The following MAF variants were observed in gnomAD, a reference collection of about 807,000 sequenced individuals.
MAF encodes transcription factor Maf.
A neutral mutation model predicts 22.0 loss-of-function variants in MAF; 10 were observed. The observed-to-expected ratio is 0.45, with a 90% CI of 0.28 to 0.77. The LOEUF is 0.77. MAF is among the 30% of genes least tolerant of loss of function. The pLI is 0.12. For missense variants in MAF, 544 were observed against 548.4 expected, an observed-to-expected ratio of 0.99 and a Z score of 0.08; for synonymous variants, 337 against 255.8, an observed-to-expected ratio of 1.32 and a Z score of -3.03.
chr16:79,334,417 G>A, the MAF span, among the ~76,000 whole-genome samples: 48 of 152,278 alleles, frequency 3.2e-4, no homozygotes, highest in East Asian at 7.0e-3. Context: ...CAGAACAGCG[G>A]TCACCTCTAG....
At chr16:79,524,471 G>A in the MAF span, among the ~76,000 whole-genome samples, 1 of 152,218 alleles carries the variant, frequency 6.6e-6, no homozygotes, top group South Asian at 2.1e-4. Context: ...AGCTCGGCAT[G>A]AGATCCCAAA....
chr16:79,346,557 ATTAG>A, the MAF span, among the ~76,000 whole-genome samples: 1 of 152,228 alleles, frequency 6.6e-6, no homozygotes, highest in African/African-American at 2.4e-5. Flanking sequence ...CCTCCAAGGC[ATTAG>A]TCTTCAACCT....
At chr16:79,211,395 T>C in the MAF span, among the ~76,000 whole-genome samples, 2 of 152,182 alleles carry the variant, frequency 1.3e-5, no homozygotes, top group Non-Finnish European at 2.9e-5. Context: ...ACACCAGCTT[T>C]ACAAGCGGAG....
chr16:79,592,871 T>C (rs1232021581), downstream of MAF, among the ~76,000 whole-genome samples: 1 of 152,178 alleles, frequency 6.6e-6, no homozygotes, highest in African/African-American at 2.4e-5. Flanking sequence ...CAGTGAATCG[T>C]AGTGGGGAAC....
the MAF span, among the ~76,000 whole-genome samples, chr16:79,462,835 A>G: frequency 6.6e-6 from 1 of 152,270 alleles, no homozygotes; most frequent in African/African-American, 2.4e-5. Context: ...GGACAAGTCA[A>G]TAATTTGCCT....
the MAF span, among the ~76,000 whole-genome samples, chr16:79,276,280 C>G: frequency 6.6e-6 from 1 of 152,168 alleles, no homozygotes; most frequent in African/African-American, 2.4e-5. Context: ...GGCCCCTGAC[C>G]CTTTAGACTG....
At chr16:79,361,491 T>C in the MAF span, among the ~76,000 whole-genome samples, 3 of 152,180 alleles carry the variant, frequency 2.0e-5, no homozygotes, top group Non-Finnish European at 4.4e-5. Context: ...ACCTCTAACA[T>C]TTAGCACTTT....
At position 79,585,902 on chromosome 16, in the gene MAF, A is replaced by AT. The variant is rs374705589; in HGVS notation, c.*5dup. 12 of 683,780 alleles carry AT rather than the reference A, an allele frequency of 1.8e-5. No homozygotes were observed. The African/African-American group carries it at 1.8e-4, about 10-fold the overall frequency. 42.4% of individuals were successfully genotyped at this position (683,780 alleles called of 1,614,324 possible). A position where few individuals can be genotyped will look rare whatever the true frequency, so the allele number is the denominator to read the frequency against. Reference sequence around the variant, plus strand: ...TACCTCTTTGACTTCAGGCAACTGGATTTTTTCACATCACTGATGTAGAGG... The same window carrying AT: ...TACCTCTTTGACTTCAGGCAACTGGATTTTTTTCACATCACTGATGTAGAGG... On this transcript the variant is annotated 3_prime_UTR_variant, in exon 2 of 2. Coordinates refer to the MAF transcript ENST00000569649.
the MAF span, among the ~76,000 whole-genome samples, chr16:79,580,742 C>T: frequency 1.3e-5 from 2 of 151,838 alleles, no homozygotes; most frequent in Admixed American, 6.6e-5. Context: ...CTTGGTAAAG[C>T]TCATGTAGCC....
the MAF span, chr16:79,203,013 G>T: frequency 3.2e-4 from 48 of 152,198 alleles, no homozygotes; most frequent in African/African-American, 1.2e-3. Context: ...TAGTCTATTG[G>T]CATCAAGTGC....
chr16:79,239,200 G>A, the MAF span, among the ~76,000 whole-genome samples: 1 of 152,016 alleles, frequency 6.6e-6, no homozygotes, highest in African/African-American at 2.4e-5. Context: ...TCTCTCTGTT[G>A]CTTCCCAAAT....
the MAF span, among the ~76,000 whole-genome samples, chr16:79,534,883 G>A: frequency 6.6e-6 from 1 of 152,172 alleles, no homozygotes; most frequent in African/African-American, 2.4e-5. Context: ...TTCCTCTCTG[G>A]ACAGTGTGGG....
chr16:79,491,655 A>T, the MAF span, among the ~76,000 whole-genome samples: 1 of 152,172 alleles, frequency 6.6e-6, no homozygotes, highest in African/African-American at 2.4e-5. Flanking sequence ...AACATGTAAC[A>T]AAATAAAAAA....
chr16:79,447,938 G>A, the MAF span, among the ~76,000 whole-genome samples: 23 of 121,986 alleles, frequency 1.9e-4, no homozygotes, highest in African/African-American at 7.5e-4. Flanking sequence ...AATGGAGCCT[G>A]AAGATATGAC....
At chr16:79,478,456 G>C in the MAF span, among the ~76,000 whole-genome samples, 1 of 152,152 alleles carries the variant, frequency 6.6e-6, no homozygotes, top group Non-Finnish European at 1.5e-5. Flanking sequence ...GGTTCCAACA[G>C]AGAAGAACAC....
chr16:79,216,852 C>T, the MAF span, among the ~76,000 whole-genome samples: 3 of 151,594 alleles, frequency 2.0e-5, no homozygotes, highest in East Asian at 1.9e-4. Flanking sequence ...CTCTGTCACC[C>T]AGGCTGGAGT....
At chr16:79,460,201 G>C in the MAF span, among the ~76,000 whole-genome samples, 1 of 152,016 alleles carries the variant, frequency 6.6e-6, no homozygotes, top group African/African-American at 2.4e-5. Flanking sequence ...CCATGCAAAA[G>C]TTTTACAGTG....
chr16:79,272,646 G>T, the MAF span, among the ~76,000 whole-genome samples: 1 of 152,200 alleles, frequency 6.6e-6, no homozygotes, highest in South Asian at 2.1e-4. Context: ...AGAGAAGACC[G>T]TAAAGCACAC....
the MAF span, among the ~76,000 whole-genome samples, chr16:79,352,247 G>A: frequency 2.0e-5 from 3 of 152,162 alleles, no homozygotes; most frequent in Non-Finnish European, 2.9e-5. Flanking sequence ...ATAATGTCAC[G>A]GGGAGACTCT....
Sources: allele counts gnomAD v4.1 joint callset (sites outside exome capture counted in the v4.1 genomes callset), GRCh38; gene constraint gnomAD v4.1.1; transcripts MANE v1.5; gene names NCBI Gene and HGNC (gene_info 2026-07-23, HGNC 2026-07-21).